Variants in HS2ST1 observed in about 807,000 individuals in gnomAD.
The protein encoded by HS2ST1 is 2-O-sulfotransferase.
HS2ST1 carries 18 observed loss-of-function variants against 42.9 expected under a neutral mutation model. That is an observed-to-expected ratio of 0.42 (90% CI 0.29 to 0.62). The LOEUF (loss-of-function observed/expected upper bound fraction) is 0.62. HS2ST1 is among the 20% of genes least tolerant of loss of function. The probability of loss-of-function intolerance (pLI) is 0.21; values close to 1 mark genes in which losing one functional copy is unlikely to be tolerated. For missense variants in HS2ST1, 334 were observed against 433.8 expected (o/e 0.77, Z 2.04); for synonymous variants, 146 against 152.9 (o/e 0.95, Z 0.33).
chr1:87,004,001 A>T (rs191886520), intron 1 of HS2ST1, among the ~76,000 whole-genome samples: 1 of 152,042 alleles, frequency 6.6e-6, no homozygotes, highest in Non-Finnish European at 1.5e-5. Context: ...ACATTTTTTA[A>T]CAATAGGATT....
intron 2 of HS2ST1, among the ~76,000 whole-genome samples, chr1:87,076,185 G>T (rs1302991364): frequency 6.6e-6 from 1 of 152,096 alleles, no homozygotes; most frequent in African/African-American, 2.4e-5. Flanking sequence ...TAAAGTGTCA[G>T]TATCATAACA....
At chr1:87,042,665 G>GA (rs1351547332) in intron 1 of HS2ST1, among the ~76,000 whole-genome samples, 2 of 151,940 alleles carry the variant, frequency 1.3e-5, no homozygotes, top group African/African-American at 2.4e-5. Context: ...TTTTCTTTCA[G>GA]AAAAAATTGA....
intron 4 of HS2ST1, among the ~76,000 whole-genome samples, chr1:87,094,208 C>T (rs915813856): frequency 1.3e-5 from 2 of 151,872 alleles, no homozygotes; most frequent in South Asian, 2.1e-4. Flanking sequence ...GTAATATTAG[C>T]GTCGGTGTTG....
At chr1:86,917,470 G>C (rs184003046) in intron 1 of HS2ST1, among the ~76,000 whole-genome samples, 1 of 150,696 alleles carries the variant, frequency 6.6e-6, no homozygotes, top group African/African-American at 2.5e-5. Context: ...AGTAAGCCAA[G>C]ATCACACCAC....
chr1:87,076,570 A>G (rs1651549397), intron 2 of HS2ST1, among the ~76,000 whole-genome samples: 1 of 152,206 alleles, frequency 6.6e-6, no homozygotes, highest in African/African-American at 2.4e-5. Context: ...ATTTGAGAAT[A>G]TAAGGTATGA....
At chr1:86,947,960 A>G (rs931695335) in intron 1 of HS2ST1, among the ~76,000 whole-genome samples, 1 of 152,182 alleles carries the variant, frequency 6.6e-6, no homozygotes, top group African/African-American at 2.4e-5. Context: ...TGAGTACTTC[A>G]TGATACTGAT....
chr1:87,000,943 AT>A (rs1363245069), intron 1 of HS2ST1, among the ~76,000 whole-genome samples: 2 of 152,202 alleles, frequency 1.3e-5, no homozygotes, highest in African/African-American at 4.8e-5. Context: ...CAGAATCAAA[AT>A]TAATGCCTGC....
rs1324593030 is a variant in HS2ST1 at position 87,019,645 on chromosome 1, CAG to C, written c.125-53288_125-53287del. Among the ~76,000 whole-genome samples the C allele has an allele frequency of 2.0e-5, 3 of 152,122 alleles. No homozygotes were observed. The South Asian group carries it at 6.2e-4, about 32-fold the overall frequency. ...TCTTTCAGTTTGCAAAACTATATGA[CAG>C]GAAATCTGTAGCTAAATATCACTTT... is the stretch of plus-strand genomic sequence containing the variant. On this transcript the variant is annotated intron_variant, in intron 1 of 6. Coordinates refer to ENST00000370550, the MANE Select transcript of HS2ST1 (RefSeq NM_012262.4).
At position 87,097,663 on chromosome 1, in the gene HS2ST1, A is replaced by G. The variant is rs1652101093; in HGVS notation, c.589-175A>G. 2.0e-5 allele frequency among the ~76,000 whole-genome samples: 3 copies of G among 152,150 alleles called. No homozygotes were observed. In the South Asian group the frequency reaches 6.2e-4, roughly 32 times the overall value. ...CGCCTCGGCCTCCCAAAGTGCTGGG[A>G]TTAAAGGTGTGAGCCACCGTGCCCA... On this transcript the variant is annotated intron_variant, in intron 4 of 6. Transcript: ENST00000370550.
intron 1 of HS2ST1, among the ~76,000 whole-genome samples, chr1:86,947,719 T>C (rs151196367): frequency 3.7e-4 from 57 of 152,276 alleles, no homozygotes; most frequent in Middle Eastern, 3.4e-3. Flanking sequence ...TGCATTCATT[T>C]ATTCAGAGTT....
At chr1:86,993,110 A>G (rs1040879491) in intron 1 of HS2ST1, 16 of 1,601,852 alleles carry the variant, frequency 1.0e-5, no homozygotes, top group African/African-American at 2.7e-5. Flanking sequence ...ATTCATCTCG[A>G]AGTATTCAGT....
rs557722498 is a variant in HS2ST1 at position 87,102,968 on chromosome 1, C to T, written c.687-464C>T. Among the ~76,000 whole-genome samples, 4 of 152,222 alleles carry T rather than the reference C, an allele frequency of 2.6e-5. No individual in the cohort carries two copies. In the East Asian group the frequency reaches 7.7e-4, roughly 29 times the overall value. ...TAAAAATAAAAGATTCTTAGCAGAG[C>T]CATTATCTATTTTCTGTTCCTCAGA... is the stretch of plus-strand genomic sequence containing the variant. On this transcript the variant is annotated intron_variant, in intron 5 of 6. Transcript: ENST00000370550.
At chr1:87,034,855 G>A (rs1438257420) in intron 1 of HS2ST1, among the ~76,000 whole-genome samples, 1 of 152,118 alleles carries the variant, frequency 6.6e-6, no homozygotes, top group Non-Finnish European at 1.5e-5. Context: ...CACTTTATAT[G>A]GCAAAAAGGA....
chr1:87,082,123 A>G (rs980877283), intron 2 of HS2ST1, among the ~76,000 whole-genome samples: 4 of 152,246 alleles, frequency 2.6e-5, no homozygotes, highest in African/African-American at 9.6e-5. Context: ...ATGAGCAACT[A>G]TATGCCAATA....
At chr1:86,996,355 T>G (rs193021333) in intron 1 of HS2ST1, among the ~76,000 whole-genome samples, 51 of 148,924 alleles carry the variant, frequency 3.4e-4, no homozygotes, top group Admixed American at 1.6e-3. Context: ...GGCAGGAGAA[T>G]CGCTTGAACC....
chr1:87,070,346 C>CT (rs1651371273), intron 1 of HS2ST1, among the ~76,000 whole-genome samples: 1 of 152,054 alleles, frequency 6.6e-6, no homozygotes, highest in Non-Finnish European at 1.5e-5. Flanking sequence ...ATCCCAACAC[C>CT]TTGGGAGGCT....
chr1:86,983,616 A>G (rs1472561898), intron 1 of HS2ST1, among the ~76,000 whole-genome samples: 1 of 152,158 alleles, frequency 6.6e-6, no homozygotes, highest in African/African-American at 2.4e-5. Context: ...AATAACTGTA[A>G]TTGTGAATTG....
At chr1:86,998,424 C>A (rs986606537) in intron 1 of HS2ST1, among the ~76,000 whole-genome samples, 1 of 152,166 alleles carries the variant, frequency 6.6e-6, no homozygotes, top group Non-Finnish European at 1.5e-5. Flanking sequence ...AAGTCCATTT[C>A]ACTAGAAAGT....
chr1:87,019,553 C>T (rs1649858037), intron 1 of HS2ST1, among the ~76,000 whole-genome samples: 2 of 152,162 alleles, frequency 1.3e-5, no homozygotes, highest in Admixed American at 6.5e-5. Context: ...TCTTATGTCA[C>T]ATTAGCATCA....
Sources: gnomAD v4.1 joint callset for allele counts (sites outside exome capture counted in the v4.1 genomes callset) on GRCh38, gnomAD v4.1.1 for gene constraint, MANE v1.5 for transcripts, NCBI Gene and HGNC (gene_info 2026-07-23, HGNC 2026-07-21) for gene names.